The following PCDHAC2 variants were observed in gnomAD, a reference collection of about 807,000 sequenced individuals.
PCDHAC2 encodes protocadherin alpha-C2.
A neutral mutation model predicts 63.3 loss-of-function variants in PCDHAC2; 24 were observed. That is an observed-to-expected ratio of 0.38 (90% CI 0.27 to 0.53). PCDHAC2 has a LOEUF of 0.53. PCDHAC2 is among the 20% of genes least tolerant of loss of function. PCDHAC2 has a pLI of 0.81. For missense variants in PCDHAC2, 1,181 were observed against 1,275.2 expected (o/e 0.93, Z 1.12); for synonymous variants, 569 against 529.4 (o/e 1.07, Z -1.03).
At chr5:141,004,492 A>G (rs2098168083) in intron 3 of PCDHAC2, among the ~76,000 whole-genome samples, 2 of 152,230 alleles carry the variant, frequency 1.3e-5, no homozygotes, top group South Asian at 2.1e-4. Context: ...AACTCTTGGC[A>G]GTCCTGCTGT....
rs1227691524 is a variant in PCDHAC2, at chr5:140,966,584, G to C, written c.-183G>C. The C allele has an allele frequency of 7.4e-6, 4 of 541,586 alleles. No homozygotes were observed. The highest frequency in any genetic ancestry group is 6.0e-5 in the African/African-American group (3 of 50,204). 33.5% of individuals were successfully genotyped at this position (541,586 alleles called of 1,614,324 possible). A position where few individuals can be genotyped will look rare whatever the true frequency, so the allele number is the denominator to read the frequency against. On this transcript the variant is annotated 5_prime_UTR_variant, in exon 1 of 4. Coordinates refer to ENST00000289269, the MANE Select transcript of PCDHAC2 (RefSeq NM_018899.6). ...TGGAATATGGGGAGTCAGCGAGGAC[G>C]GTGGGGCCAGGAGCCCTTGGGAGGG...
intron 3 of PCDHAC2, among the ~76,000 whole-genome samples, chr5:141,003,132 C>G (rs1391034413): frequency 6.6e-6 from 1 of 152,208 alleles, no homozygotes; most frequent in African/African-American, 2.4e-5. Flanking sequence ...CTGGCATTTG[C>G]CTTGGCAAAG....
chr5:140,978,787 C>G (rs1164015518), intron 1 of PCDHAC2, 162 bp from the exon 2 acceptor site: 2 of 972,388 alleles, frequency 2.1e-6, no homozygotes, highest in Non-Finnish European at 2.4e-6. Context: ...TTCTAAAGTG[C>G]TATATATGTA....
intron 3 of PCDHAC2, among the ~76,000 whole-genome samples, chr5:140,991,755 C>T (rs2153897425): frequency 6.6e-6 from 1 of 152,268 alleles, no homozygotes; most frequent in South Asian, 2.1e-4. Context: ...TTCTATCATG[C>T]TCTTCAAAAT....
intron 3 of PCDHAC2, among the ~76,000 whole-genome samples, chr5:141,007,284 C>T (rs2098312696): frequency 6.6e-6 from 1 of 151,430 alleles, no homozygotes; most frequent in Admixed American, 6.6e-5. Context: ...GTGCAGTGGG[C>T]TCATGCCTGT....
In PCDHAC2 at chr5:141,011,794, G is replaced by A. The variant is rs782200485; in HGVS notation, c.*1857G>A. 2 of 153,664 alleles carry A rather than the reference G, an allele frequency of 1.3e-5. No individual in the cohort carries two copies. The highest frequency in any genetic ancestry group is 2.9e-5 in the Non-Finnish European group (2 of 68,028). The allele number at this position is 153,664 out of a possible 1,614,324, so 9.5% of individuals were successfully genotyped here. ...ATGCTTTGAAATTCTAATGGTATCT[G>A]AAATATCAGCTCATAGAAAGTAACA... On this transcript the variant is annotated 3_prime_UTR_variant, in exon 4 of 4. Coordinates refer to ENST00000289269, the MANE Select transcript of PCDHAC2 (RefSeq NM_018899.6).
chr5:140,970,019 A>G (rs1385793747), intron 1 of PCDHAC2, among the ~76,000 whole-genome samples: 2 of 152,212 alleles, frequency 1.3e-5, no homozygotes, highest in Non-Finnish European at 2.9e-5. Context: ...ATGGTGAGGC[A>G]GAGAGATTAA....
In PCDHAC2 at chr5:140,968,962, C is replaced by T. The variant is rs1554231271; in HGVS notation, c.2196C>T (p.Tyr732=). 1.8e-5 allele frequency: 29 copies of T among 1,614,056 alleles called. No individual in the cohort carries two copies. The highest frequency in any genetic ancestry group is 2.2e-5 in the Non-Finnish European group (26 of 1,180,032). The change falls in exon 1 of 4, where the codon TAC becomes TAT. Residue 732 remains tyrosine (Y), a synonymous_variant. Transcript: ENST00000289269. The part of the protein sequence containing the change: ...TIIILSIIKC[Y]RYTAYGTACC... ...TCATTTTGAGCATCATCAAGTGCTA[C>T]CGCTACACTGCGTATGGCACTGCAT...
intron 3 of PCDHAC2, among the ~76,000 whole-genome samples, chr5:141,005,089 A>G (rs1554259886): frequency 6.6e-6 from 1 of 152,244 alleles, no homozygotes; most frequent in East Asian, 1.9e-4. Context: ...TTAGTACTTT[A>G]CATGCATTAC....
At position 140,968,403 on chromosome 5, in the gene PCDHAC2, T is replaced by C. The variant is rs1554230673; in HGVS notation, c.1637T>C (p.Phe546Ser). The C allele has an allele frequency of 6.2e-7, 1 of 1,613,984 alleles. No individual in the cohort carries two copies. The highest frequency in any genetic ancestry group is 8.5e-7 in the Non-Finnish European group (1 of 1,180,016). Reference protein sequence around the residue: ...SFDYEKFREFFVTVEAQDKGS... With the variant: ...SFDYEKFREFSVTVEAQDKGS... ...GACTATGAGAAGTTTCGGGAGTTCT[T>C]TGTGACTGTGGAGGCTCAGGACAAG... The change falls in exon 1 of 4, where the codon TTT becomes TCT. Residue 546 changes from phenylalanine (F) to serine (S), a missense_variant. Physicochemically the swap from Phe to Ser is radical, Grantham distance 155. Coordinates refer to ENST00000289269, the MANE Select transcript of PCDHAC2 (RefSeq NM_018899.6).
At chr5:141,005,960 TA>T (rs1322848010) in intron 3 of PCDHAC2, among the ~76,000 whole-genome samples, 2 of 151,500 alleles carry the variant, frequency 1.3e-5, no homozygotes, top group Non-Finnish European at 2.9e-5. Context: ...CAAACAACAA[TA>T]AAAAAACAAT....
chr5:140,983,548 T>C (rs1479703561), intron 3 of PCDHAC2, among the ~76,000 whole-genome samples: 1 of 152,212 alleles, frequency 6.6e-6, no homozygotes, highest in African/African-American at 2.4e-5. Context: ...GTCTCATTTA[T>C]TCCTTAAGTC....
At position 140,973,488 on chromosome 5, in the gene PCDHAC2, G is replaced by A. The variant is rs186493160; in HGVS notation, c.2565+4157G>A. Reference sequence around the variant, plus strand: ...GTTTGCAAATTTCATATTGGTCACAGGACTCTTCTTCTGAGAAAAAGTTTA... The same window carrying A: ...GTTTGCAAATTTCATATTGGTCACAAGACTCTTCTTCTGAGAAAAAGTTTA... On this transcript the variant is annotated intron_variant, in intron 1 of 3. Coordinates refer to ENST00000289269, the MANE Select transcript of PCDHAC2 (RefSeq NM_018899.6). Among the ~76,000 whole-genome samples, 7 of 152,228 alleles carry A rather than the reference G, an allele frequency of 4.6e-5. No homozygotes were observed. The East Asian group carries it at 1.3e-3, about 29-fold the overall frequency.
At chr5:140,991,356 T>C (rs574243681) in intron 3 of PCDHAC2, among the ~76,000 whole-genome samples, 2 of 152,366 alleles carry the variant, frequency 1.3e-5, no homozygotes, top group Non-Finnish European at 2.9e-5. Flanking sequence ...AAAAGACTAT[T>C]TACTGTCTGA....
intron 3 of PCDHAC2, among the ~76,000 whole-genome samples, chr5:140,998,792 G>A (rs747824792): frequency 6.6e-6 from 1 of 152,156 alleles, no homozygotes; most frequent in Non-Finnish European, 1.5e-5. Flanking sequence ...TGGAACCCCT[G>A]ACCTCAGGTG....
chr5:140,983,801 T>G (rs1386165689), intron 3 of PCDHAC2, among the ~76,000 whole-genome samples: 1 of 152,214 alleles, frequency 6.6e-6, no homozygotes, highest in Non-Finnish European at 1.5e-5. Context: ...AATGTGTGTG[T>G]AAAAGGTTTT....
intron 3 of PCDHAC2, among the ~76,000 whole-genome samples, chr5:140,984,397 G>A (rs1400095442): frequency 1.3e-5 from 2 of 152,112 alleles, no homozygotes; most frequent in African/African-American, 4.8e-5. Context: ...AAAATGTTGA[G>A]AACCTATCTT....
At chr5:141,004,935 A>AATTTCTT (rs2098189293) in intron 3 of PCDHAC2, among the ~76,000 whole-genome samples, 1 of 152,112 alleles carries the variant, frequency 6.6e-6, no homozygotes, top group African/African-American at 2.4e-5. Context: ...GAGAGAAGAA[A>AATTTCTT]ATTTCTTACC....
At chr5:140,994,394 T>G (rs1332946220) in intron 3 of PCDHAC2, among the ~76,000 whole-genome samples, 3 of 152,110 alleles carry the variant, frequency 2.0e-5, no homozygotes, top group African/African-American at 7.2e-5. Flanking sequence ...AGTCAGAGAT[T>G]ATTTGACATT....
Sources: allele counts gnomAD v4.1 joint callset (sites outside exome capture counted in the v4.1 genomes callset), GRCh38; gene constraint gnomAD v4.1.1; transcripts MANE v1.5; gene names NCBI Gene and HGNC (gene_info 2026-07-23, HGNC 2026-07-21).